MMP26: variants seen among roughly 807,000 people sequenced by gnomAD.
MMP26 encodes matrix metalloproteinase-26.
A neutral mutation model predicts 31.0 loss-of-function variants in MMP26; 33 were observed. That is an observed-to-expected ratio of 1.06 (90% CI 0.81 to 1.42). The LOEUF (loss-of-function observed/expected upper bound fraction) is 1.42. Ranked by LOEUF, MMP26 falls within the 40% of genes most tolerant of loss-of-function variation. MMP26 has a pLI of 0.00. For synonymous variants in MMP26, 122 were observed against 114.9 expected, an observed-to-expected ratio of 1.06 and a Z score of -0.40; for missense variants, 347 against 316.1, an observed-to-expected ratio of 1.10 and a Z score of -0.74.
intron 2 of MMP26, among the ~76,000 whole-genome samples, chr11:4,891,827 A>G (rs10836914): frequency 0.15 from 22,371 of 152,108 alleles, 2,594 homozygotes; most frequent in East Asian, 0.61. Context: ...ACTAAACTAT[A>G]GCAAGATTGG....
chr11:4,881,834 TATGC>T, intron 2 of MMP26: 1 of 1,322,936 alleles, frequency 7.6e-7, no homozygotes, highest in Non-Finnish European at 1.1e-6. Context: ...TAATAAAATG[TATGC>T]TATATATATA....
chr11:4,880,514 A>G (rs1257996698), intron 2 of MMP26, among the ~76,000 whole-genome samples: 2 of 152,114 alleles, frequency 1.3e-5, no homozygotes, highest in African/African-American at 2.4e-5. Flanking sequence ...AAAAGACGAT[A>G]GGACTCAAAA....
chr11:4,781,553 C>CAAA (rs780005906), intron 2 of MMP26, among the ~76,000 whole-genome samples: 1 of 15,192 alleles, frequency 6.6e-5, no homozygotes. Context: ...GACTCCGTCT[C>CAAA]AAAAAAAAAA....
rs1847012406 is a variant in MMP26 at position 4,991,990 on chromosome 11, C to T, written c.622C>T (p.His208Tyr). The T allele has an allele frequency of 6.2e-7, 1 of 1,608,028 alleles. No homozygotes were observed. Among genetic ancestry groups the T allele is most frequent in the East Asian group, 2.2e-5 (1 of 44,828 alleles). Residue 208 changes from histidine (H) to tyrosine (Y), a missense_variant, in exon 7 of 8, where the codon CAT (histidine) becomes TAT (tyrosine). Physicochemically the swap from His to Tyr is moderately conservative, Grantham distance 83 (BLOSUM62 2). Transcript: ENST00000380390. ...TGYNLFLVATHEIGHSLGLQH... is the reference protein window; with the variant it reads ...TGYNLFLVATYEIGHSLGLQH... ...ATATAATCTGTTCCTGGTTGCAACT[C>T]ATGAGATTGGGCATTCTTTGGGCCT...
intron 2 of MMP26, chr11:4,907,333 T>C (rs1483384091): frequency 7.1e-7 from 1 of 1,405,560 alleles, no homozygotes; most frequent in Non-Finnish European, 1.0e-6. Flanking sequence ...ATTTATATGG[T>C]TTCAGATCCG....
chr11:4,971,458 T>C (rs1406161916), intron 2 of MMP26, among the ~76,000 whole-genome samples: 1 of 152,128 alleles, frequency 6.6e-6, no homozygotes, highest in Non-Finnish European at 1.5e-5. Context: ...TAAAGAACAG[T>C]AAGAAAAACT....
intron 2 of MMP26, chr11:4,830,211 G>A (rs1849628767): frequency 6.6e-6 from 1 of 152,114 alleles, no homozygotes; most frequent in Admixed American, 6.6e-5. Flanking sequence ...TTCCATTCTT[G>A]GTCTGGAATA....
At chr11:4,859,896 G>A (rs1431101197) in intron 2 of MMP26, 1 of 470,958 alleles carries the variant, frequency 2.1e-6, no homozygotes, top group African/African-American at 2.0e-5. Flanking sequence ...CAGTCTTCAG[G>A]GTGAGTACAT....
At chr11:4,987,558 A>C (rs1235649134) in intron 2 of MMP26, among the ~76,000 whole-genome samples, 1 of 151,774 alleles carries the variant, frequency 6.6e-6, no homozygotes, top group Non-Finnish European at 1.5e-5. Context: ...AGCTGGGACT[A>C]CAGGCGCCCA....
intron 2 of MMP26, among the ~76,000 whole-genome samples, chr11:4,798,257 C>G (rs1352599906): frequency 2.6e-5 from 4 of 152,216 alleles, no homozygotes; most frequent in Non-Finnish European, 5.9e-5. Context: ...CTGGACCTTT[C>G]TTTCCTTCCA....
At chr11:4,737,608 A>T (rs1407417739) in intron 1 of MMP26, among the ~76,000 whole-genome samples, 2 of 152,188 alleles carry the variant, frequency 1.3e-5, no homozygotes, top group African/African-American at 4.8e-5. Flanking sequence ...ACGCCTTTGC[A>T]CTCCAGCTTG....
intron 2 of MMP26, among the ~76,000 whole-genome samples, chr11:4,981,944 G>A (rs920440182): frequency 6.6e-6 from 1 of 151,670 alleles, no homozygotes; most frequent in Non-Finnish European, 1.5e-5. Context: ...TGTCCCACTG[G>A]AAGGTCTTCA....
At chr11:4,862,643 G>A (rs1392353495) in intron 2 of MMP26, among the ~76,000 whole-genome samples, 3 of 152,288 alleles carry the variant, frequency 2.0e-5, no homozygotes, top group East Asian at 1.9e-4. Context: ...GGAGCTCTGA[G>A]GTTGGGGTGA....
At chr11:4,738,531 C>T (rs1300112511) in intron 1 of MMP26, among the ~76,000 whole-genome samples, 1 of 152,108 alleles carries the variant, frequency 6.6e-6, no homozygotes, top group Non-Finnish European at 1.5e-5. Flanking sequence ...AAAAAACTTC[C>T]AGATTTTATG....
chr11:4,827,757 G>T (rs1849597439), intron 2 of MMP26, among the ~76,000 whole-genome samples: 1 of 151,450 alleles, frequency 6.6e-6, no homozygotes, highest in African/African-American at 2.4e-5. Flanking sequence ...AAAGATAATA[G>T]ATTTTATTTC....
chr11:4,846,835 A>C (rs1849876344), intron 2 of MMP26, among the ~76,000 whole-genome samples: 1 of 152,200 alleles, frequency 6.6e-6, no homozygotes, highest in African/African-American at 2.4e-5. Context: ...GACTGTAATT[A>C]CTCTGTTAGT....
At chr11:4,775,563 T>C (rs141241990) in intron 2 of MMP26, among the ~76,000 whole-genome samples, 24 of 152,238 alleles carry the variant, frequency 1.6e-4, no homozygotes, top group South Asian at 2.1e-4. Flanking sequence ...AAAGAATACC[T>C]GAGGCTGGGT....
chr11:4,787,036 A>G (rs942326761), intron 2 of MMP26: 2 of 152,846 alleles, frequency 1.3e-5, no homozygotes, highest in Non-Finnish European at 2.9e-5. Context: ...ACGTGAAATC[A>G]TCCTCAATGC....
intron 1 of MMP26, among the ~76,000 whole-genome samples, chr11:4,739,553 C>T (rs1284031199): frequency 6.6e-6 from 1 of 152,188 alleles, no homozygotes; most frequent in Non-Finnish European, 1.5e-5. Flanking sequence ...CATGGACATT[C>T]AGAACTATGA....
Sources: allele counts gnomAD v4.1 joint callset (sites outside exome capture counted in the v4.1 genomes callset), GRCh38; gene constraint gnomAD v4.1.1; transcripts MANE v1.5; gene names NCBI Gene and HGNC (gene_info 2026-07-23, HGNC 2026-07-21).